The following JMJD1C variants were observed in gnomAD, a reference collection of about 807,000 sequenced individuals.
The protein encoded by JMJD1C is jumonji domain-containing protein 1C.
In JMJD1C, 31 loss-of-function variants were observed where a neutral mutation model predicts 245.3. That is an observed-to-expected ratio of 0.13 (90% CI 0.09 to 0.17). The LOEUF is 0.17. Ranked by LOEUF, JMJD1C falls within the 10% of genes least tolerant of loss-of-function variation. The pLI, the probability that JMJD1C is intolerant of heterozygous loss-of-function variation, is 1.00. For synonymous variants in JMJD1C, 1,057 were observed against 1,017.4 expected, an observed-to-expected ratio of 1.04 and a Z score of -0.74; for missense variants, 2,691 against 3,000.2, an observed-to-expected ratio of 0.90 and a Z score of 2.41.
chr10:63,256,647 C>T (rs1012908839), intron 3 of JMJD1C, among the ~76,000 whole-genome samples: 1 of 152,202 alleles, frequency 6.6e-6, no homozygotes, highest in African/African-American at 2.4e-5. Context: ...CCTGTTCTGG[C>T]CTCGTCTCCT....
intron 13 of JMJD1C, 67 bp downstream of exon 13, chr10:63,197,344 G>A (rs1845571157): frequency 3.0e-6 from 4 of 1,319,574 alleles, no homozygotes; most frequent in Middle Eastern, 1.9e-4. Flanking sequence ...CACATCTCAT[G>A]TTCTAGAAGA....
Position 63,167,745 on chromosome 10 carries a change from A to T in JMJD1C, c.*300T>A, listed in dbSNP as rs987672527. The T allele has an allele frequency of 4.6e-5, 10 of 218,672 alleles. No homozygotes were observed. 13.5% of individuals were successfully genotyped at this position (218,672 alleles called of 1,614,324 possible). On this transcript the variant is annotated 3_prime_UTR_variant, in exon 26 of 26. Coordinates refer to ENST00000399262, the MANE Select transcript of JMJD1C (RefSeq NM_032776.3). ...TCAACAATATAGCATAGAATTTTTT[A>T]TTTTTTACCAAAAATAAATACATCA...
chr10:63,240,365 A>G (rs1433546836), intron 3 of JMJD1C, among the ~76,000 whole-genome samples: 1 of 152,248 alleles, frequency 6.6e-6, no homozygotes, highest in Non-Finnish European at 1.5e-5. Flanking sequence ...GGAAAACCTG[A>G]AGAGAAGTAT....
In JMJD1C at chr10:63,352,590, A is replaced by AT. The variant is rs1944453296; in HGVS notation, c.333+27727dup. On this transcript the variant is annotated intron_variant, in intron 2 of 25. Transcript: ENST00000399262. ...GAGGTGGAGTTTGCAGTGGGCCAAG[A>AT]TAGAGCCACTGCACTCCAGCTTGGG... 2.7e-5 allele frequency among the ~76,000 whole-genome samples: 4 copies of AT among 150,576 alleles called. No individual in the cohort carries two copies. In the Admixed American group the frequency reaches 2.7e-4, roughly 10 times the overall value.
intron 1 of JMJD1C, among the ~76,000 whole-genome samples, chr10:63,439,588 T>C (rs930415159): frequency 2.0e-5 from 3 of 152,218 alleles, no homozygotes; most frequent in African/African-American, 4.8e-5. Flanking sequence ...ATATTTCTAT[T>C]GAACCACCTC....
rs1027073048 is a variant in JMJD1C at position 63,269,049 on chromosome 10, C to T, written c.334-4285G>A. 1.6e-5 allele frequency: 16 copies of T among 985,324 alleles called. No homozygotes were observed. In the Admixed American group the frequency reaches 9.2e-4, roughly 57 times the overall value. 61.0% of individuals were successfully genotyped at this position (985,324 alleles called of 1,614,324 possible). On this transcript the variant is annotated intron_variant, in intron 2 of 25. Transcript: ENST00000399262. ...TCCTGCAGCTGAAGCACTACTGCAT[C>T]CTCCGATCTGGGTCAGGATAATTTC...
At chr10:63,229,112 GCT>G (rs1364650493) in intron 3 of JMJD1C, among the ~76,000 whole-genome samples, 1 of 152,030 alleles carries the variant, frequency 6.6e-6, no homozygotes, top group Non-Finnish European at 1.5e-5. Flanking sequence ...AATCTCTTAA[GCT>G]CTCTATGTAG....
intron 2 of JMJD1C, among the ~76,000 whole-genome samples, chr10:63,333,554 G>A (rs912049417): frequency 6.6e-6 from 1 of 152,022 alleles, no homozygotes; most frequent in Non-Finnish European, 1.5e-5. Context: ...AAAAGAGAGA[G>A]AAAGAAAGGC....
At position 63,414,667 on chromosome 10, in the gene JMJD1C, C is replaced by T. The variant is rs139869631; in HGVS notation, c.169-34185G>A. Among the ~76,000 whole-genome samples, 489 of 152,158 alleles carry T rather than the reference C, an allele frequency of 3.2e-3. 2 individuals carry two copies. The highest frequency in any genetic ancestry group is 0.011 in the African/African-American group (474 of 41,502). On this transcript the variant is annotated intron_variant, in intron 1 of 25. Transcript: ENST00000399262. ...CTTTGGGAGGCTGAGGAGGGTGAAT[C>T]ACTTGAGGTCAGGAATTCAAGACCA...
intron 2 of JMJD1C, among the ~76,000 whole-genome samples, chr10:63,306,410 T>G (rs1183998824): frequency 6.6e-6 from 1 of 152,072 alleles, no homozygotes; most frequent in African/African-American, 2.4e-5. Context: ...TGACATGACT[T>G]TTAGATTAAT....
intron 2 of JMJD1C, among the ~76,000 whole-genome samples, chr10:63,304,618 A>G (rs1937751382): frequency 6.6e-6 from 1 of 152,218 alleles, no homozygotes; most frequent in African/African-American, 2.4e-5. Context: ...TGTTGGTAGA[A>G]TCTGTCCCAA....
intron 2 of JMJD1C, among the ~76,000 whole-genome samples, chr10:63,374,505 TA>T (rs1436031568): frequency 6.6e-6 from 1 of 152,202 alleles, no homozygotes; most frequent in East Asian, 1.9e-4. Flanking sequence ...TGGCAGTCAG[TA>T]CAACCTTTAC....
chr10:63,418,465 A>T (rs1037650543), intron 1 of JMJD1C, among the ~76,000 whole-genome samples: 1 of 152,202 alleles, frequency 6.6e-6, no homozygotes, highest in African/African-American at 2.4e-5. Flanking sequence ...TATGTCTGGT[A>T]CTGAAGGTAC....
At chr10:63,343,011 C>G (rs2134238927) in intron 2 of JMJD1C, among the ~76,000 whole-genome samples, 1 of 152,040 alleles carries the variant, frequency 6.6e-6, no homozygotes, top group East Asian at 1.9e-4. Flanking sequence ...ATCCAAAATC[C>G]AAAACACTTC....
intron 2 of JMJD1C, chr10:63,359,199 TCTCA>T (rs2134346838): frequency 6.6e-6 from 1 of 152,402 alleles, no homozygotes; most frequent in African/African-American, 2.4e-5. Flanking sequence ...TATTATAATT[TCTCA>T]CTATTACCTA....
At chr10:63,333,690 T>C (rs1269666246) in intron 2 of JMJD1C, among the ~76,000 whole-genome samples, 1 of 152,186 alleles carries the variant, frequency 6.6e-6, no homozygotes, top group South Asian at 2.1e-4. Context: ...ACATGACAAT[T>C]ATGAGGCAGA....
intron 1 of JMJD1C, among the ~76,000 whole-genome samples, chr10:63,392,593 G>A (rs1171291122): frequency 8.6e-5 from 13 of 151,822 alleles, no homozygotes; most frequent in East Asian, 1.9e-4. Context: ...TTAGGAGGCC[G>A]AGGTGGGTGG....
intron 1 of JMJD1C, among the ~76,000 whole-genome samples, chr10:63,451,217 G>C (rs1372084439): frequency 6.6e-6 from 1 of 152,176 alleles, no homozygotes; most frequent in African/African-American, 2.4e-5. Flanking sequence ...GCCATCTACA[G>C]ATTCAATACA....
chr10:63,185,419 A>G, intron 20 of JMJD1C, 144 bp downstream of exon 20: 1 of 656,032 alleles, frequency 1.5e-6, no homozygotes, highest in Admixed American at 3.0e-5. Context: ...GGCGTGAGCC[A>G]CTATGACGCT....
Sources: allele counts gnomAD v4.1 joint callset (sites outside exome capture counted in the v4.1 genomes callset), GRCh38; gene constraint gnomAD v4.1.1; transcripts MANE v1.5; gene names NCBI Gene and HGNC (gene_info 2026-07-23, HGNC 2026-07-21).